SNX24: variants seen among roughly 807,000 people sequenced by gnomAD.
SNX24 encodes sorting nexin-24.
A neutral mutation model predicts 28.7 loss-of-function variants in SNX24; 22 were observed. The observed-to-expected ratio is 0.77, with a 90% CI of 0.55 to 1.10. SNX24 has a LOEUF of 1.10. Among genes scored for constraint, SNX24 ranks in the 50% least tolerant of loss-of-function variants. The pLI is 0.00. For synonymous variants in SNX24, 69 were observed against 71.5 expected (o/e 0.96, Z 0.18); for missense variants, 221 against 201.1 (o/e 1.10, Z -0.60).
In SNX24 at chr5:123,022,475, T is replaced by G. The variant is rs1002517725; in HGVS notation, n.384-6763T>G. 2.0e-5 allele frequency: 3 copies of G among 153,270 alleles called. No homozygotes were observed. In the Admixed American group the frequency reaches 2.0e-4, roughly 10 times the overall value. The allele number at this position is 153,270 out of a possible 1,614,324, so 9.5% of individuals were successfully genotyped here. A position where few individuals can be genotyped will look rare whatever the true frequency, so the allele number is the denominator to read the frequency against. On this transcript the variant is annotated intron_variant and non_coding_transcript_variant, in intron 5 of 5. Coordinates refer to the SNX24 transcript ENST00000502387. ...TAGAATTTCACTTTCCCATTAGTTT[T>G]TTTTTTTTTTTTAAGATGGGGTCTT...
At chr5:122,860,750 C>G (rs1755423560) in intron 1 of SNX24, among the ~76,000 whole-genome samples, 1 of 151,966 alleles carries the variant, frequency 6.6e-6, no homozygotes, top group South Asian at 2.1e-4. Context: ...GCGCCTGCCA[C>G]CATGCATGGC....
intron 1 of SNX24, among the ~76,000 whole-genome samples, chr5:122,888,642 C>G (rs1004536567): frequency 1.3e-5 from 2 of 152,142 alleles, no homozygotes; most frequent in Non-Finnish European, 2.9e-5. Flanking sequence ...CAGCTACTTA[C>G]TTTCTGCTGC....
At chr5:122,936,221 A>C (rs894502478) in intron 1 of SNX24, among the ~76,000 whole-genome samples, 1 of 152,220 alleles carries the variant, frequency 6.6e-6, no homozygotes, top group Admixed American at 6.5e-5. Flanking sequence ...ACAGCAGAAT[A>C]AGCCCAGCTG....
chr5:122,969,373 C>A (rs1363923566), intron 3 of SNX24, among the ~76,000 whole-genome samples: 2 of 152,084 alleles, frequency 1.3e-5, no homozygotes, highest in Non-Finnish European at 2.9e-5. Context: ...CTAACACTTT[C>A]TAAAACATTT....
At chr5:122,869,107 T>G (rs959072976) in intron 1 of SNX24, among the ~76,000 whole-genome samples, 1 of 152,244 alleles carries the variant, frequency 6.6e-6, no homozygotes, top group African/African-American at 2.4e-5. Flanking sequence ...GATAAAAGTT[T>G]ATAGAAAAGC....
At chr5:122,904,623 A>G (rs1400205956) in intron 1 of SNX24, among the ~76,000 whole-genome samples, 2 of 152,174 alleles carry the variant, frequency 1.3e-5, no homozygotes, top group Admixed American at 1.3e-4. Flanking sequence ...TGTTTCTTGC[A>G]GTTACAGCTT....
downstream of SNX24, among the ~76,000 whole-genome samples, chr5:123,010,403 C>G (rs920867983): frequency 6.6e-5 from 10 of 152,022 alleles, no homozygotes; most frequent in African/African-American, 2.4e-4. Flanking sequence ...CATTCTCTGC[C>G]TCAGTCTCCT....
chr5:122,989,507 A>C (rs1277204555), intron 3 of SNX24, among the ~76,000 whole-genome samples: 2 of 101,272 alleles, frequency 2.0e-5, no homozygotes, highest in Non-Finnish European at 3.6e-5. Flanking sequence ...TCTGTGTCAC[A>C]TGCTAAGGGA....
intron 5 of SNX24, among the ~76,000 whole-genome samples, chr5:123,016,683 C>G (rs906187371): frequency 6.6e-6 from 1 of 151,844 alleles, no homozygotes; most frequent in Non-Finnish European, 1.5e-5. Context: ...TGTATTGCAG[C>G]GCTATAAGTG....
At chr5:122,863,753 C>T (rs963094001) in intron 1 of SNX24, among the ~76,000 whole-genome samples, 2 of 152,158 alleles carry the variant, frequency 1.3e-5, no homozygotes, top group Non-Finnish European at 2.9e-5. Context: ...TGGGGTCTCA[C>T]TGTGTTGCCA....
chr5:122,901,690 G>A (rs1343427453), intron 1 of SNX24, among the ~76,000 whole-genome samples: 1 of 152,058 alleles, frequency 6.6e-6, no homozygotes, highest in East Asian at 1.9e-4. Flanking sequence ...TGATCTTACA[G>A]GATCTTGACC....
chr5:123,009,239 GA>G, downstream of SNX24: 1 of 984,140 alleles, frequency 1.0e-6, no homozygotes, highest in African/African-American at 1.7e-5. Context: ...GATTTCACTG[GA>G]AACATGGTTT....
rs199979402 is a variant in SNX24, at chr5:122,999,882, A to G, written c.250-30A>G. 15 of 1,347,332 alleles carry G rather than the reference A, an allele frequency of 1.1e-5. No homozygotes were observed. The East Asian group carries it at 1.8e-4, about 16-fold the overall frequency. The allele number at this position is 1,347,332 out of a possible 1,614,324, so 83.5% of individuals were successfully genotyped here. On this transcript the variant is annotated intron_variant, in intron 3 of 6. Coordinates refer to ENST00000261369, the MANE Select transcript of SNX24 (RefSeq NM_014035.4). ...TTGATCACCTAGCAAACTTCACTTCAGTTTCGAATTCTGTTTTCTGCTTTC... is the reference window on the plus strand; with the variant it reads ...TTGATCACCTAGCAAACTTCACTTCGGTTTCGAATTCTGTTTTCTGCTTTC...
rs1335338116 is a variant in SNX24, at chr5:122,997,559, CCG to C, written c.250-2352_250-2351del. On this transcript the variant is annotated intron_variant, in intron 3 of 6. Coordinates refer to ENST00000261369, the MANE Select transcript of SNX24 (RefSeq NM_014035.4). ...GTAGATGTAGCCAGTGCATTGTAAG[CCG>C]ATCTGTCAAGGCAAATAAACAATTC... Among the ~76,000 whole-genome samples, 8 of 152,264 alleles carry C rather than the reference CCG, an allele frequency of 5.3e-5. No homozygotes were observed. The East Asian group carries it at 1.5e-3, about 29-fold the overall frequency.
intron 5 of SNX24, among the ~76,000 whole-genome samples, chr5:123,015,454 C>G (rs1481810256): frequency 6.6e-6 from 1 of 152,164 alleles, no homozygotes; most frequent in Non-Finnish European, 1.5e-5. Flanking sequence ...TTTGGATGAT[C>G]TCTTAAATGT....
At chr5:123,004,336 T>C (rs1762348426) in intron 6 of SNX24, among the ~76,000 whole-genome samples, 1 of 152,192 alleles carries the variant, frequency 6.6e-6, no homozygotes, top group Non-Finnish European at 1.5e-5. Context: ...TCCCCAGTGA[T>C]TTCAGTGTGG....
At chr5:122,890,059 A>C (rs1264660680) in intron 1 of SNX24, among the ~76,000 whole-genome samples, 1 of 152,068 alleles carries the variant, frequency 6.6e-6, no homozygotes, top group Non-Finnish European at 1.5e-5. Context: ...GAGACAGGCC[A>C]GTTGAGACAG....
At chr5:122,911,687 T>C (rs1392712001) in intron 1 of SNX24, among the ~76,000 whole-genome samples, 1 of 135,168 alleles carries the variant, frequency 7.4e-6, no homozygotes, top group Non-Finnish European at 1.6e-5. Flanking sequence ...TTTCTACATA[T>C]GGCTAGCCAG....
At chr5:122,962,864 A>G (rs193062171) in intron 3 of SNX24, among the ~76,000 whole-genome samples, 9 of 152,326 alleles carry the variant, frequency 5.9e-5, no homozygotes, top group Admixed American at 2.6e-4. Flanking sequence ...CTGATTTTTA[A>G]AAATACCTTC....
Sources: allele counts gnomAD v4.1 joint callset (sites outside exome capture counted in the v4.1 genomes callset), GRCh38; gene constraint gnomAD v4.1.1; transcripts MANE v1.5; gene names NCBI Gene and HGNC (gene_info 2026-07-23, HGNC 2026-07-21).